Variants in DCST1 observed in about 807,000 individuals in gnomAD.
DCST1 encodes the protein E3 ubiquitin-protein ligase DCST1.
In DCST1, 78 loss-of-function variants were observed where a neutral mutation model predicts 89.1. That is an observed-to-expected ratio of 0.88 (90% CI 0.73 to 1.06). The LOEUF (loss-of-function observed/expected upper bound fraction) is 1.06, where lower values mean the gene tolerates loss of function less well. Among genes scored for constraint, DCST1 ranks in the 50% least tolerant of loss-of-function variants. The probability of loss-of-function intolerance (pLI) is 0.00; values close to 1 mark genes in which losing one functional copy is unlikely to be tolerated. For missense variants in DCST1, 900 were observed against 928.6 expected, an observed-to-expected ratio of 0.97 and a Z score of 0.40; for synonymous variants, 364 against 371.9, an observed-to-expected ratio of 0.98 and a Z score of 0.24.
intron 8 of DCST1, among the ~76,000 whole-genome samples, chr1:155,042,529 C>T (rs1160704083): frequency 6.6e-6 from 1 of 152,162 alleles, no homozygotes; most frequent in Admixed American, 6.5e-5. Flanking sequence ...GATAGATTGA[C>T]AAAAATGAGG....
intron 10 of DCST1, among the ~76,000 whole-genome samples, chr1:155,044,189 A>G (rs1660530705): frequency 6.6e-6 from 1 of 152,140 alleles, no homozygotes; most frequent in African/African-American, 2.4e-5. Context: ...TGCCCCCAAT[A>G]AGCTCATGAT....
intron 8 of DCST1, among the ~76,000 whole-genome samples, chr1:155,042,255 T>C (rs1660459926): frequency 1.3e-5 from 2 of 152,070 alleles, no homozygotes; most frequent in Non-Finnish European, 2.9e-5. Flanking sequence ...GCCGCCACCA[T>C]GCCCAGCTAA....
rs80259499 is a variant in DCST1, at chr1:155,046,003, A to G, written c.1272+11A>G. 6,469 of 1,614,016 alleles carry G rather than the reference A, an allele frequency of 4.0e-3. 218 individuals carry two copies. In the African/African-American group the frequency reaches 0.076, roughly 19 times the overall value. On this transcript the variant is annotated intron_variant, in intron 11 of 16. Coordinates refer to ENST00000295542, the MANE Select transcript of DCST1 (RefSeq NM_152494.4). ...CGCAGGAAGAAGCTGGTGAGTGGGC[A>G]CGGCACTGCCCGGGGATGCCTTGCT... is the stretch of plus-strand genomic sequence containing the variant.
rs773900346 is a variant in DCST1, at chr1:155,046,431, C to G, written c.1440C>G (p.Leu480=). 3.1e-6 allele frequency: 5 copies of G among 1,613,982 alleles called. No homozygotes were observed. The South Asian group carries it at 5.5e-5, about 18-fold the overall frequency. ...LVVLCGLDWA[L]YSIFDTIRHH... ...TGCTGTGTGGCTTGGACTGGGCTCT[C>G]TACTCCATCTTCGACACCATCCGCC... Residue 480 remains leucine (L), a synonymous_variant, in exon 13 of 17, where the codon CTC becomes CTG. Transcript: ENST00000295542.
In DCST1 at chr1:155,041,626, C is replaced by T; in HGVS notation, c.748+13C>T. 1 of 1,614,016 alleles carries T rather than the reference C, an allele frequency of 6.2e-7. No homozygotes were observed. The highest frequency in any genetic ancestry group is 8.5e-7 in the Non-Finnish European group (1 of 1,179,928). ...CTGCGTTGCTCCTGTGAGGGGTATC[C>T]CTGGGGAGTGGAGGGTGGGGTGGGA... is the stretch of plus-strand genomic sequence containing the variant. On this transcript the variant is annotated intron_variant, in intron 7 of 16. Transcript: ENST00000295542.
At chr1:155,036,569 CCTT>C (rs1293650797) in intron 4 of DCST1, among the ~76,000 whole-genome samples, 1 of 152,222 alleles carries the variant, frequency 6.6e-6, no homozygotes, top group Non-Finnish European at 1.5e-5. Context: ...CTGCTCTTTC[CCTT>C]TTTTCCTCTA....
chr1:155,039,326 G>C, intron 4 of DCST1, 77 bp from the exon 5 acceptor site: 1 of 1,445,084 alleles, frequency 6.9e-7, no homozygotes, highest in Admixed American at 2.4e-5. Flanking sequence ...GGTGTTGCAG[G>C]TGGGTGCTCT....
intron 5 of DCST1, 101 bp from the exon 6 acceptor site, chr1:155,040,384 A>G: frequency 7.5e-7 from 1 of 1,338,096 alleles, no homozygotes; most frequent in Non-Finnish European, 1.0e-6. Context: ...CCACCACTGT[A>G]TAGTTCTAGG....
Position 155,033,852 on chromosome 1 carries a change from T to C in DCST1, c.-68T>C, listed in dbSNP as rs1660184082. The C allele has an allele frequency of 1.5e-6, 2 of 1,306,468 alleles. No homozygotes were observed. The highest frequency in any genetic ancestry group is 2.1e-6 in the Non-Finnish European group (2 of 952,024). The allele number at this position is 1,306,468 out of a possible 1,614,324, so 80.9% of individuals were successfully genotyped here. A position where few individuals can be genotyped will look rare whatever the true frequency, so the allele number is the denominator to read the frequency against. On this transcript the variant is annotated splice_region_variant and 5_prime_UTR_variant, in exon 1 of 17. Coordinates refer to ENST00000295542, the MANE Select transcript of DCST1 (RefSeq NM_152494.4). ...CCAGTTCCGAGGACTGGAGAGGGGA[T>C]AGGTAGGTCTCTAATCTCCTTCCCC...
In DCST1 at chr1:155,034,552, T is replaced by C. The variant is rs1454078196; in HGVS notation, c.179T>C (p.Leu60Pro). The C allele has an allele frequency of 6.2e-7, 1 of 1,613,810 alleles. No homozygotes were observed. The highest frequency in any genetic ancestry group is 8.5e-7 in the Non-Finnish European group (1 of 1,180,016). ...LLLGAGAGGL[L>P]AIGLFQLLVN... Reference sequence around the variant, plus strand: ...CTGGGGGCAGGCGCTGGGGGGCTCCTGGCCATAGGTGAGTGTGGAAGCAGA... The same window carrying C: ...CTGGGGGCAGGCGCTGGGGGGCTCCCGGCCATAGGTGAGTGTGGAAGCAGA... Residue 60 changes from leucine to proline, a missense_variant, in exon 3 of 17, where the codon CTG (leucine) becomes CCG (proline). Transcript: ENST00000295542.
chr1:155,038,679 G>A (rs1186470495), intron 4 of DCST1, among the ~76,000 whole-genome samples: 1 of 152,180 alleles, frequency 6.6e-6, no homozygotes, highest in Non-Finnish European at 1.5e-5. Flanking sequence ...TCCAGGCCCA[G>A]CTGACACGTC....
rs1660620271 is a variant in DCST1 at position 155,046,223 on chromosome 1, G to A, written c.1368+3G>A. On this transcript the variant is annotated splice_donor_region_variant and intron_variant, in intron 12 of 16. Coordinates refer to ENST00000295542, the MANE Select transcript of DCST1 (RefSeq NM_152494.4). ...AGGCCTCAGAAATGAGCAATGTGGT[G>A]AGGACAGCATGGGGAGCGGACTCCT... 1 of 1,614,220 alleles carries A rather than the reference G, an allele frequency of 6.2e-7. No individual in the cohort carries two copies. The highest frequency in any genetic ancestry group is 8.5e-7 in the Non-Finnish European group (1 of 1,180,044).
In DCST1 at chr1:155,034,419, C is replaced by G; in HGVS notation, c.62-16C>G. 1.2e-6 allele frequency: 2 copies of G among 1,613,968 alleles called. No individual in the cohort carries two copies. Among genetic ancestry groups the G allele is most frequent in the South Asian group, 2.2e-5 (2 of 91,090 alleles). ...GCAGAAGAGTGGGCTGTTGAGCTAC[C>G]CTGTCCCCCTCTTAGCGGTGCAGAG... On this transcript the variant is annotated splice_polypyrimidine_tract_variant and intron_variant, in intron 2 of 16. Transcript: ENST00000295542.
In DCST1 at chr1:155,046,150, G is replaced by T; in HGVS notation, c.1298G>T (p.Arg433Leu). 6.2e-7 allele frequency: 1 copy of T among 1,614,202 alleles called. No homozygotes were observed. The highest frequency in any genetic ancestry group is 1.1e-5 in the South Asian group (1 of 91,076). Residue 433 changes from arginine to leucine, a missense_variant, in exon 12 of 17, where the codon CGC (arginine) becomes CTC (leucine). By Grantham distance (102) the Arg-to-Leu change is moderately radical. Coordinates refer to ENST00000295542, the MANE Select transcript of DCST1 (RefSeq NM_152494.4). ...GGCAAACGGACTCTGCTGCCACTCC[G>T]CAAAGCTGAGGAGAAAACCGTCATC... is the stretch of plus-strand genomic sequence containing the variant. The part of the protein sequence containing the change: ...KLGKRTLLPL[R>L]KAEEKTVIFP...
intron 15 of DCST1, 42 bp downstream of exon 15, chr1:155,047,971 C>T (rs1660712275): frequency 2.5e-6 from 4 of 1,592,102 alleles, no homozygotes; most frequent in Non-Finnish European, 3.4e-6. Flanking sequence ...CACACCTGCA[C>T]ACACACACAC....
Position 155,046,340 on chromosome 1 carries a change from C to T in DCST1, c.1369-20C>T, listed in dbSNP as rs1398409802. 1.2e-6 allele frequency: 2 copies of T among 1,614,022 alleles called. No homozygotes were observed. Among genetic ancestry groups the T allele is most frequent in the East Asian group, 4.5e-5 (2 of 44,896 alleles). On this transcript the variant is annotated intron_variant, in intron 12 of 16. Transcript: ENST00000295542. The stretch of plus-strand genomic sequence containing the variant: ...GGCAGATGGCACTGCCCAGCTCTGC[C>T]CCTCCTGCTCCTTGGCCAGGTGAGG...
Position 155,050,914 on chromosome 1 carries a change from A to G in DCST1, c.*46A>G. 1.3e-6 allele frequency: 2 copies of G among 1,592,128 alleles called. No homozygotes were observed. Among genetic ancestry groups the G allele is most frequent in the Non-Finnish European group, 1.7e-6 (2 of 1,164,912 alleles). ...TCCGCACCGTCCTTCCCGGTTAATA[A>G]AATGCCCTGTACGCTTCACGTGGGT... is the stretch of plus-strand genomic sequence containing the variant. On this transcript the variant is annotated 3_prime_UTR_variant, in exon 17 of 17. Transcript: ENST00000295542.
chr1:155,034,971 T>A, intron 4 of DCST1: 1 of 553,516 alleles, frequency 1.8e-6, no homozygotes, highest in Non-Finnish European at 3.2e-6. Flanking sequence ...CCACATGATA[T>A]AGTCCAACCC....
intron 10 of DCST1, chr1:155,045,206 AGTTT>A (rs1282629198): frequency 1.3e-5 from 2 of 152,536 alleles, no homozygotes; most frequent in African/African-American, 2.4e-5. Context: ...CACTTTACAG[AGTTT>A]GTTTAATGTA....
Sources: allele counts gnomAD v4.1 joint callset (sites outside exome capture counted in the v4.1 genomes callset), GRCh38; gene constraint gnomAD v4.1.1; transcripts MANE v1.5; gene names NCBI Gene and HGNC (gene_info 2026-07-23, HGNC 2026-07-21).